Variants in KIAA1549L observed in about 807,000 individuals in gnomAD.
KIAA1549L encodes the protein KIAA1549 like.
A neutral mutation model predicts 160.7 loss-of-function variants in KIAA1549L; 88 were observed. That is an observed-to-expected ratio of 0.55 (90% CI 0.46 to 0.65). The LOEUF is 0.65. Among genes scored for constraint, KIAA1549L ranks in the 30% least tolerant of loss-of-function variants. The probability of loss-of-function intolerance (pLI) is 0.00; values close to 1 mark genes in which losing one functional copy is unlikely to be tolerated. For missense variants in KIAA1549L, 2,258 were observed against 2,437.5 expected (o/e 0.93, Z 1.55); for synonymous variants, 950 against 976.7 (o/e 0.97, Z 0.51).
intron 6 of KIAA1549L, among the ~76,000 whole-genome samples, chr11:33,558,613 C>T (rs1471030080): frequency 1.3e-5 from 2 of 152,140 alleles, no homozygotes; most frequent in Non-Finnish European, 2.9e-5. Flanking sequence ...TGACTTCCTA[C>T]TAACGATGCT....
At chr11:33,665,056 TGA>T (rs1262534607) in intron 20 of KIAA1549L, among the ~76,000 whole-genome samples, 40 of 152,296 alleles carry the variant, frequency 2.6e-4, no homozygotes, top group African/African-American at 9.4e-4. Flanking sequence ...CTGGTCAGCC[TGA>T]GGTCACTGAT....
intron 1 of KIAA1549L, among the ~76,000 whole-genome samples, chr11:33,481,388 G>C (rs1279947981): frequency 6.6e-6 from 1 of 152,096 alleles, no homozygotes; most frequent in East Asian, 1.9e-4. Flanking sequence ...TGTTCTATAG[G>C]TAAACTGGAA....
intron 1 of KIAA1549L, among the ~76,000 whole-genome samples, chr11:33,388,338 T>C (rs901438174): frequency 4.6e-5 from 7 of 151,860 alleles, no homozygotes; most frequent in African/African-American, 1.7e-4. Flanking sequence ...ATCAGAAGAA[T>C]AGCGTAGGGG....
Position 33,525,469 on chromosome 11 carries a change from G to C in KIAA1549L, c.239-16333G>C, listed in dbSNP as rs1046143767. ...AAGCATTCCTGGCCTTATCTCACAG[G>C]AGTCCTTGGGGAAGGCAGCCAGCAG... On this transcript the variant is annotated intron_variant, in intron 1 of 20. Coordinates refer to ENST00000658780, the MANE Select transcript of KIAA1549L (RefSeq NM_012194.3). Among the ~76,000 whole-genome samples the C allele has an allele frequency of 3.3e-5, 5 of 152,124 alleles. No individual in the cohort carries two copies. The East Asian group carries it at 9.6e-4, about 29-fold the overall frequency.
Position 33,645,863 on chromosome 11 carries a change from T to A in KIAA1549L, c.5587T>A (p.Ser1863Thr). The change falls in exon 17 of 21, where the codon TCC becomes ACC. Residue 1863 changes from serine to threonine, a missense_variant. Physicochemically the swap from Ser to Thr is moderately conservative, Grantham distance 58 (BLOSUM62 1). Around this residue, in one of 6 missense-constraint regions of KIAA1549L, gnomAD observed 1,359 missense variants for 1,546.6 expected, o/e 0.88. Transcript: ENST00000658780. ...MLLEEAFSLASAGHAGQSRHQ... is the reference protein window; with the variant it reads ...MLLEEAFSLATAGHAGQSRHQ... ...GCTGGAGGAGGCCTTCAGCCTGGCA[T>A]CCGCGGGCCACGCAGGCCAGAGCCG... 6.2e-7 allele frequency: 1 copy of A among 1,613,904 alleles called. No individual in the cohort carries two copies. Among genetic ancestry groups the A allele is most frequent in the Non-Finnish European group, 8.5e-7 (1 of 1,179,898 alleles).
intron 1 of KIAA1549L, among the ~76,000 whole-genome samples, chr11:33,442,536 G>T (rs1471558891): frequency 6.6e-6 from 1 of 152,124 alleles, no homozygotes; most frequent in Non-Finnish European, 1.5e-5. Context: ...ATGCTGAAAA[G>T]TTAGCTCAAT....
At chr11:33,569,435 T>G (rs76777330) in intron 9 of KIAA1549L, among the ~76,000 whole-genome samples, 1 of 152,232 alleles carries the variant, frequency 6.6e-6, no homozygotes, top group Non-Finnish European at 1.5e-5. Context: ...TGTGAACCCC[T>G]GATTGATGAT....
intron 1 of KIAA1549L, chr11:33,450,682 TGC>T (rs1290263562): frequency 6.6e-6 from 1 of 152,164 alleles, no homozygotes; most frequent in East Asian, 1.9e-4. Context: ...TGCATGGTGG[TGC>T]ATCACGACCC....
chr11:33,516,683 A>AAAAC (rs764784025), intron 1 of KIAA1549L, among the ~76,000 whole-genome samples: 42 of 152,288 alleles, frequency 2.8e-4, no homozygotes, highest in African/African-American at 7.9e-4. Flanking sequence ...ATTCAGTCTT[A>AAAAC]AAACAAACAA....
At chr11:33,380,617 C>G (rs776445598) in intron 1 of KIAA1549L, among the ~76,000 whole-genome samples, 3 of 152,012 alleles carry the variant, frequency 2.0e-5, no homozygotes, top group Admixed American at 6.6e-5. Context: ...GATCTAATAT[C>G]GTCAGTGGGG....
intron 16 of KIAA1549L, among the ~76,000 whole-genome samples, chr11:33,636,349 CTTTTT>C (rs71034697): frequency 2.2e-5 from 3 of 136,132 alleles, no homozygotes; most frequent in Non-Finnish European, 4.7e-5. Flanking sequence ...AATGAATCTT[CTTTTT>C]TTTTTTTTTT....
At chr11:33,476,407 CAAG>C (rs1852287728) in intron 1 of KIAA1549L, among the ~76,000 whole-genome samples, 1 of 152,132 alleles carries the variant, frequency 6.6e-6, no homozygotes. Flanking sequence ...AGAGGTTATC[CAAG>C]AAGAGGAGGA....
At chr11:33,439,020 G>A (rs749889704) in intron 1 of KIAA1549L, among the ~76,000 whole-genome samples, 2 of 151,878 alleles carry the variant, frequency 1.3e-5, no homozygotes, top group Non-Finnish European at 2.9e-5. Context: ...TCTGCCTCTC[G>A]GATTCAAGCA....
intron 1 of KIAA1549L, among the ~76,000 whole-genome samples, chr11:33,473,451 T>C (rs1429433218): frequency 6.6e-6 from 1 of 152,102 alleles, no homozygotes; most frequent in East Asian, 1.9e-4. Context: ...TGTCAGGACA[T>C]TGAAAGGAGG....
intron 12 of KIAA1549L, 83 bp from the exon 13 acceptor site, chr11:33,598,737 A>C: frequency 6.7e-7 from 1 of 1,499,462 alleles, no homozygotes; most frequent in South Asian, 1.2e-5. Flanking sequence ...TACAGACATT[A>C]AACTGTGCAA....
rs1490544841 is a variant in KIAA1549L at position 33,660,957 on chromosome 11, C to G, written c.6102C>G (p.Asn2034Lys). ...FIPTPPSSYR[N>K]QAWMSYAGEN... ...CAACGCCTCCCTCATCCTATAGGAA[C>G]CAGGCCTGGATGTCCTATGCAGGAG... The change falls in exon 20 of 21, where the codon AAC (asparagine) becomes AAG (lysine). Residue 2034 changes from asparagine to lysine, a missense_variant. This residue lies in a region of KIAA1549L where 1,359 missense variants were observed against 1,546.6 expected (regional missense o/e 0.88). Coordinates refer to ENST00000658780, the MANE Select transcript of KIAA1549L (RefSeq NM_012194.3). 1.9e-6 allele frequency: 3 copies of G among 1,612,990 alleles called. No individual in the cohort carries two copies. The highest frequency in any genetic ancestry group is 2.5e-6 in the Non-Finnish European group (3 of 1,179,502).
intron 16 of KIAA1549L, among the ~76,000 whole-genome samples, chr11:33,629,409 T>C (rs1383012640): frequency 6.6e-6 from 1 of 152,230 alleles, no homozygotes; most frequent in Admixed American, 6.5e-5. Flanking sequence ...ATTCTCCCCA[T>C]GACTTTCAGG....
chr11:33,544,097 T>C lies in KIAA1549L; in HGVS notation c.2534T>C (p.Leu845Ser). The C allele has an allele frequency of 1.2e-6, 2 of 1,614,026 alleles. No homozygotes were observed. Among genetic ancestry groups the C allele is most frequent in the Non-Finnish European group, 1.7e-6 (2 of 1,179,898 alleles). ...QLPNQPAHPL[L>S]LTSPGPTSTG... ...CCCAACCAGCCAGCACATCCTCTTT[T>C]GCTAACCTCACCAGGACCAACTTCT... Residue 845 changes from leucine (L) to serine (S), a missense_variant, in exon 2 of 21, where the codon TTG becomes TCG. Physicochemically the swap from Leu to Ser is moderately radical, Grantham distance 145. Transcript: ENST00000658780.
chr11:33,589,589 T>G (rs1020033046), intron 11 of KIAA1549L, among the ~76,000 whole-genome samples: 1 of 152,072 alleles, frequency 6.6e-6, no homozygotes. Context: ...CCATAAAAAA[T>G]GAAGAGTTCA....
Sources: allele counts gnomAD v4.1 joint callset (sites outside exome capture counted in the v4.1 genomes callset), GRCh38; gene constraint gnomAD v4.1.1; regional missense constraint gnomAD v4.1.1; transcripts MANE v1.5; gene names NCBI Gene and HGNC (gene_info 2026-07-23, HGNC 2026-07-21).